Variants in CEP170 observed in about 807,000 individuals in gnomAD.
The protein encoded by CEP170 is centrosomal protein of 170 kDa.
In CEP170, 21 loss-of-function variants were observed where a neutral mutation model predicts 151.9. The observed-to-expected ratio is 0.14, with a 90% CI of 0.10 to 0.20. The LOEUF is 0.20. Among genes scored for constraint, CEP170 ranks in the 10% least tolerant of loss-of-function variants. CEP170 has a pLI of 1.00. For missense variants in CEP170, 964 were observed against 1,892.9 expected (o/e 0.51, Z 9.11); for synonymous variants, 356 against 648.8 (o/e 0.55, Z 6.86).
intron 1 of CEP170, among the ~76,000 whole-genome samples, chr1:243,248,705 C>T (rs994206251): frequency 6.6e-6 from 1 of 152,174 alleles, no homozygotes; most frequent in African/African-American, 2.4e-5. Context: ...TAGCTTATCT[C>T]ATGGTTCCCA....
intron 13 of CEP170, among the ~76,000 whole-genome samples, chr1:243,160,386 G>C (rs2057966445): frequency 6.6e-6 from 1 of 152,102 alleles, no homozygotes; most frequent in South Asian, 2.1e-4. Flanking sequence ...TAAGCTTGTA[G>C]CTAGAGCTAC....
chr1:243,240,899 G>T (rs1362159744), intron 1 of CEP170, among the ~76,000 whole-genome samples: 1 of 152,084 alleles, frequency 6.6e-6, no homozygotes, highest in African/African-American at 2.4e-5. Flanking sequence ...CACCATGTTG[G>T]CCAGGCTGGT....
intron 17 of CEP170, among the ~76,000 whole-genome samples, chr1:243,131,822 T>C (rs1159680464): frequency 6.6e-6 from 1 of 152,250 alleles, no homozygotes; most frequent in Non-Finnish European, 1.5e-5. Flanking sequence ...CCAAAGCTTA[T>C]TTCATTCAAT....
intron 1 of CEP170, among the ~76,000 whole-genome samples, chr1:243,252,349 T>C (rs1248681940): frequency 1.3e-5 from 2 of 152,122 alleles, no homozygotes. Flanking sequence ...TATTAATTAG[T>C]ATAGAAAAAA....
rs180689390 is a variant in CEP170, at chr1:243,205,597, G to A, written c.275-4762C>T. Among the ~76,000 whole-genome samples, 459 of 152,254 alleles carry A rather than the reference G, an allele frequency of 3.0e-3. 1 individual carries two copies. Among genetic ancestry groups the A allele is most frequent in the African/African-American group, 0.01 (436 of 41,540 alleles). ...TCAGTAGTTGGGAATAATTAGCCCA[G>A]AACAATCTTAGAAGCCTAACAAATC... is the stretch of plus-strand genomic sequence containing the variant. On this transcript the variant is annotated intron_variant, in intron 4 of 19. Transcript: ENST00000366542.
chr1:243,156,447 T>C lies in CEP170; in HGVS notation c.3685A>G (p.Arg1229Gly), dbSNP rs1468479042. The C allele has an allele frequency of 5.2e-6, 8 of 1,543,562 alleles. No individual in the cohort carries two copies. Among genetic ancestry groups the C allele is most frequent in the African/African-American group, 1.4e-5 (1 of 72,604 alleles). The change falls in exon 14 of 20, where the codon AGA becomes GGA. Residue 1229 changes from arginine (R) to glycine (G), a missense_variant. Transcript: ENST00000366542. ...SAHGSASVNSRWRRFPTDYAS... is the reference protein window; with the variant it reads ...SAHGSASVNSGWRRFPTDYAS... ...TAATCAGTAGGAAAGCGCCTCCATCTTGAATTTACTAAATTAGTTTAATTA... is the reference window on the plus strand; with the variant it reads ...TAATCAGTAGGAAAGCGCCTCCATCCTGAATTTACTAAATTAGTTTAATTA...
intron 12 of CEP170, among the ~76,000 whole-genome samples, chr1:243,167,035 T>G (rs535411591): frequency 6.6e-6 from 1 of 152,300 alleles, no homozygotes; most frequent in Admixed American, 6.5e-5. Context: ...GGAAGTTCAC[T>G]GTGTTCATTC....
intron 6 of CEP170, among the ~76,000 whole-genome samples, chr1:243,200,224 A>C (rs918844625): frequency 1.3e-5 from 2 of 152,106 alleles, no homozygotes. Context: ...GAGCATCGTG[A>C]ATTCTGGTAT....
At chr1:243,224,066 T>C (rs905848234) in intron 2 of CEP170, among the ~76,000 whole-genome samples, 1 of 152,222 alleles carries the variant, frequency 6.6e-6, no homozygotes, top group Admixed American at 6.5e-5. Context: ...CATTTCTATA[T>C]AATCAAATTC....
At chr1:243,176,751 T>C (rs2059279847) in intron 10 of CEP170, 1 of 352,104 alleles carries the variant, frequency 2.8e-6, no homozygotes, top group Non-Finnish European at 5.6e-6. Flanking sequence ...AAAATCTGTA[T>C]GACAGTCTTT....
chr1:243,205,747 C>G (rs1457133015), intron 4 of CEP170, among the ~76,000 whole-genome samples: 1 of 152,092 alleles, frequency 6.6e-6, no homozygotes, highest in East Asian at 1.9e-4. Context: ...TTCACAATGC[C>G]TGCCATCTAA....
intron 4 of CEP170, among the ~76,000 whole-genome samples, chr1:243,206,713 A>G (rs554269619): frequency 5.6e-4 from 86 of 152,236 alleles, no homozygotes; most frequent in Non-Finnish European, 9.3e-4. Flanking sequence ...TTTAAATGAC[A>G]ATTGACTTTT....
In CEP170 at chr1:243,200,454, A is replaced by G. The variant is rs1010190687; in HGVS notation, c.496+64T>C. ...ATATGGACATAGCCAACTTTCTGAGAACAAAGCATGCAGTGTCTTCAAGAT... is the reference window on the plus strand; with the variant it reads ...ATATGGACATAGCCAACTTTCTGAGGACAAAGCATGCAGTGTCTTCAAGAT... On this transcript the variant is annotated intron_variant, in intron 6 of 19. Coordinates refer to ENST00000366542, the MANE Select transcript of CEP170 (RefSeq NM_014812.3). The G allele has an allele frequency of 2.0e-4, 316 of 1,588,370 alleles. 1 individual carries two copies. Among genetic ancestry groups the G allele is most frequent in the Non-Finnish European group, 2.6e-4 (307 of 1,162,392 alleles).
At chr1:243,246,071 G>A (rs1055791980) in intron 1 of CEP170, among the ~76,000 whole-genome samples, 8 of 152,148 alleles carry the variant, frequency 5.3e-5, no homozygotes, top group African/African-American at 1.4e-4. Flanking sequence ...ATAAACTGGA[G>A]GGGGTAATTT....
chr1:243,221,845 A>G, intron 2 of CEP170, 32 bp from the exon 3 acceptor site: 2 of 1,558,686 alleles, frequency 1.3e-6, no homozygotes, highest in South Asian at 2.4e-5. Flanking sequence ...AATAAATATA[A>G]GAAAATACTA....
At chr1:243,242,156 G>A (rs1051929128) in intron 1 of CEP170, among the ~76,000 whole-genome samples, 1 of 152,098 alleles carries the variant, frequency 6.6e-6, no homozygotes, top group African/African-American at 2.4e-5. Context: ...AAGGGCAGAG[G>A]ACGTTAATTT....
intron 14 of CEP170, among the ~76,000 whole-genome samples, chr1:243,148,973 T>A (rs1032643459): frequency 6.6e-5 from 10 of 152,250 alleles, no homozygotes; most frequent in African/African-American, 2.4e-5. Context: ...GAGTTGAAAT[T>A]GGAGGTTTCT....
intron 10 of CEP170, among the ~76,000 whole-genome samples, chr1:243,184,566 A>C (rs190804181): frequency 6.6e-6 from 1 of 152,322 alleles, no homozygotes; most frequent in East Asian, 1.9e-4. Flanking sequence ...GTAAACCTGA[A>C]GCATGTACTT....
intron 1 of CEP170, among the ~76,000 whole-genome samples, chr1:243,226,768 T>G (rs548648720): frequency 6.6e-6 from 1 of 152,248 alleles, no homozygotes; most frequent in African/African-American, 2.4e-5. Context: ...GGCGGGCAGA[T>G]CACCTGAGGT....
Sources: gnomAD v4.1 joint callset for allele counts (sites outside exome capture counted in the v4.1 genomes callset) on GRCh38, gnomAD v4.1.1 for gene constraint, MANE v1.5 for transcripts, NCBI Gene and HGNC (gene_info 2026-07-23, HGNC 2026-07-21) for gene names.